Variants in CDKAL1 observed in about 807,000 individuals in gnomAD.
CDKAL1 encodes CDKAL1 threonylcarbamoyladenosine tRNA methylthiotransferase.
Under a neutral mutation model 68.2 loss-of-function variants are expected in CDKAL1, and 32 were observed. The observed-to-expected ratio is 0.47, with a 90% CI of 0.35 to 0.63. The LOEUF is 0.63. CDKAL1 is among the 30% of genes least tolerant of loss of function. The probability of loss-of-function intolerance (pLI) is 0.00; values close to 1 mark genes in which losing one functional copy is unlikely to be tolerated. For missense variants in CDKAL1, 606 were observed against 696.7 expected, an observed-to-expected ratio of 0.87 and a Z score of 1.47; for synonymous variants, 234 against 244.3, an observed-to-expected ratio of 0.96 and a Z score of 0.39.
chr6:21,180,280 T>C (rs993948310), intron 13 of CDKAL1, among the ~76,000 whole-genome samples: 4 of 152,200 alleles, frequency 2.6e-5, no homozygotes, highest in African/African-American at 9.6e-5. Context: ...TTGAACTTTC[T>C]TATGAATCCT....
chr6:21,201,783 A>G (rs1009972373), intron 15 of CDKAL1, among the ~76,000 whole-genome samples: 1 of 152,112 alleles, frequency 6.6e-6, no homozygotes, highest in Non-Finnish European at 1.5e-5. Flanking sequence ...TTTTCTTTCT[A>G]TAAAAAAGTA....
intron 13 of CDKAL1, among the ~76,000 whole-genome samples, chr6:21,160,362 A>G (rs1482261892): frequency 6.6e-6 from 1 of 151,576 alleles, no homozygotes; most frequent in Non-Finnish European, 1.5e-5. Context: ...CAGTGGCGCA[A>G]TCTCGGCTCA....
At chr6:21,140,274 G>A (rs143938566) in intron 13 of CDKAL1, among the ~76,000 whole-genome samples, 71 of 152,320 alleles carry the variant, frequency 4.7e-4, no homozygotes, top group Middle Eastern at 3.4e-3. Context: ...TAGGCTAGTA[G>A]TTGACATTGA....
At chr6:20,807,501 G>T (rs9358370) in intron 8 of CDKAL1, among the ~76,000 whole-genome samples, 3 of 152,118 alleles carry the variant, frequency 2.0e-5, no homozygotes, top group Non-Finnish European at 4.4e-5. Flanking sequence ...GACTACAGGC[G>T]CAAGCCACTG....
At chr6:20,888,694 A>G (rs1256862455) in intron 9 of CDKAL1, among the ~76,000 whole-genome samples, 1 of 151,804 alleles carries the variant, frequency 6.6e-6, no homozygotes, top group African/African-American at 2.4e-5. Context: ...TACAAAGGAC[A>G]TGAACTCATC....
chr6:20,985,332 T>C (rs1766396978), intron 10 of CDKAL1, among the ~76,000 whole-genome samples: 1 of 152,212 alleles, frequency 6.6e-6, no homozygotes, highest in Non-Finnish European at 1.5e-5. Flanking sequence ...TCACTCTTGT[T>C]GCCCAGGCTG....
chr6:20,559,391 C>T lies in CDKAL1; in HGVS notation c.286+10686C>T, dbSNP rs972918553. The T allele has an allele frequency of 3.9e-5, 6 of 152,108 alleles. No individual in the cohort carries two copies. The East Asian group carries it at 1.2e-3, about 29-fold the overall frequency. 9.4% of individuals were successfully genotyped at this position (152,108 alleles called of 1,614,324 possible). A position where few individuals can be genotyped will look rare whatever the true frequency, so the allele number is the denominator to read the frequency against. ...CTGGTATTATGTCCAAAATGAATGCCCACTAAAAGTTAGTAACTCTCATGG... is the reference window on the plus strand; with the variant it reads ...CTGGTATTATGTCCAAAATGAATGCTCACTAAAAGTTAGTAACTCTCATGG... On this transcript the variant is annotated intron_variant, in intron 4 of 15. Coordinates refer to ENST00000274695, the MANE Select transcript of CDKAL1 (RefSeq NM_017774.3).
At position 21,230,966 on chromosome 6, in the gene CDKAL1, G is replaced by A; in HGVS notation, c.1667G>A (p.Cys556Tyr). The stretch of plus-strand genomic sequence containing the variant: ...CCCATGCCAAGGCTACATCAAGACT[G>A]TGCGCTGAGGATGTCCGTGGGCTTG... ...VLPMPRLHQDCALRMSVGLAL... is the reference protein window; with the variant it reads ...VLPMPRLHQDYALRMSVGLAL... The change falls in exon 16 of 16, where the codon TGT becomes TAT. Residue 556 changes from cysteine (C) to tyrosine (Y), a missense_variant. Cys to Tyr is a radical substitution (Grantham distance 194, BLOSUM62 -2). Coordinates refer to ENST00000274695, the MANE Select transcript of CDKAL1 (RefSeq NM_017774.3). The A allele has an allele frequency of 6.2e-7, 1 of 1,613,880 alleles. No homozygotes were observed. The highest frequency in any genetic ancestry group is 1.3e-5 in the African/African-American group (1 of 75,064).
intron 9 of CDKAL1, among the ~76,000 whole-genome samples, chr6:20,885,456 A>C (rs1761022715): frequency 6.6e-6 from 1 of 152,248 alleles, no homozygotes; most frequent in Middle Eastern, 3.2e-3. Flanking sequence ...TTCTGCATAC[A>C]AAAGAACAAA....
chr6:20,978,930 C>G (rs1234354226), intron 10 of CDKAL1, among the ~76,000 whole-genome samples: 1 of 152,080 alleles, frequency 6.6e-6, no homozygotes, highest in Non-Finnish European at 1.5e-5. Flanking sequence ...TATGTGACCT[C>G]CTTGCATCTT....
intron 9 of CDKAL1, among the ~76,000 whole-genome samples, chr6:20,946,265 T>A (rs1764231730): frequency 6.6e-6 from 1 of 152,146 alleles, no homozygotes; most frequent in South Asian, 2.1e-4. Context: ...CTCTTTGTGG[T>A]TCCTTGGGAA....
chr6:20,691,342 G>A (rs1287725092), intron 5 of CDKAL1, among the ~76,000 whole-genome samples: 1 of 151,946 alleles, frequency 6.6e-6, no homozygotes, highest in Non-Finnish European at 1.5e-5. Context: ...AGATGGCATG[G>A]TGGGGCCAGC....
chr6:20,700,125 T>C (rs1771275687), intron 5 of CDKAL1, among the ~76,000 whole-genome samples: 1 of 152,066 alleles, frequency 6.6e-6, no homozygotes, highest in Non-Finnish European at 1.5e-5. Flanking sequence ...ACTTTAATAT[T>C]TTATTTACTA....
chr6:21,130,818 T>C (rs1260213229), intron 13 of CDKAL1, among the ~76,000 whole-genome samples: 3 of 151,806 alleles, frequency 2.0e-5, no homozygotes, highest in African/African-American at 7.3e-5. Flanking sequence ...GCCCAAAGAG[T>C]ACAGTGGCTA....
intron 12 of CDKAL1, among the ~76,000 whole-genome samples, chr6:21,081,780 G>A (rs1373002214): frequency 6.6e-6 from 1 of 151,692 alleles, no homozygotes; most frequent in Non-Finnish European, 1.5e-5. Flanking sequence ...GTTTTCCCAT[G>A]TTGGACAGGC....
chr6:20,901,628 C>G (rs1277913446), intron 9 of CDKAL1, among the ~76,000 whole-genome samples: 1 of 133,998 alleles, frequency 7.5e-6, no homozygotes, highest in African/African-American at 2.8e-5. Flanking sequence ...TTGCAGTGAG[C>G]CGAGATTGCG....
At chr6:20,931,945 A>C (rs561678202) in intron 9 of CDKAL1, among the ~76,000 whole-genome samples, 20 of 152,326 alleles carry the variant, frequency 1.3e-4, no homozygotes, top group African/African-American at 4.6e-4. Context: ...TACACATCTC[A>C]AATGTCAAGT....
At chr6:20,728,566 T>C (rs1772759185) in intron 5 of CDKAL1, among the ~76,000 whole-genome samples, 1 of 152,186 alleles carries the variant, frequency 6.6e-6, no homozygotes, top group South Asian at 2.1e-4. Context: ...TAGGGCATTA[T>C]TATATTGAAG....
At chr6:21,140,768 T>C (rs1775859865) in intron 13 of CDKAL1, among the ~76,000 whole-genome samples, 1 of 152,178 alleles carries the variant, frequency 6.6e-6, no homozygotes, top group South Asian at 2.1e-4. Flanking sequence ...CTTGTCCTGC[T>C]TGCTATGTGT....
Sources: allele counts gnomAD v4.1 joint callset (sites outside exome capture counted in the v4.1 genomes callset), GRCh38; gene constraint gnomAD v4.1.1; transcripts MANE v1.5; gene names NCBI Gene and HGNC (gene_info 2026-07-23, HGNC 2026-07-21).